FGF12: variants seen among roughly 807,000 people sequenced by gnomAD.
FGF12 encodes fibroblast growth factor 12.
In FGF12, 14 loss-of-function variants were observed where a neutral mutation model predicts 23.6. That is an observed-to-expected ratio of 0.59 (90% confidence interval 0.39 to 0.93). The LOEUF (loss-of-function observed/expected upper bound fraction) is 0.93, where lower values mean the gene tolerates loss of function less well. Among genes scored for constraint, FGF12 ranks in the 40% least tolerant of loss-of-function variants. The pLI is 0.00. For missense variants in FGF12, 175 were observed against 217.8 expected, an observed-to-expected ratio of 0.80 and a Z score of 1.24; for synonymous variants, 62 against 77.3, an observed-to-expected ratio of 0.80 and a Z score of 1.04.
rs118028862 is a variant in FGF12, at chr3:192,337,923, G to A, written c.125-2459C>T. 4.7e-4 allele frequency among the ~76,000 whole-genome samples: 71 copies of A among 152,226 alleles called. 2 individuals are homozygous for A. In the East Asian group the frequency reaches 0.012, roughly 26 times the overall value. ...AATCTAATACCTTATATTTGTGCAAGATTAATTTTCAAAGTGCTGATACAT... is the reference window on the plus strand; with the variant it reads ...AATCTAATACCTTATATTTGTGCAAAATTAATTTTCAAAGTGCTGATACAT... On this transcript the variant is annotated intron_variant, in intron 3 of 5. Transcript: ENST00000445105.
At position 192,389,134 on chromosome 3, in the gene FGF12, C is replaced by T. The variant is rs540420130; in HGVS notation, c.14-28596G>A. Among the ~76,000 whole-genome samples the T allele has an allele frequency of 1.1e-4, 17 of 152,234 alleles. No homozygotes were observed. The South Asian group carries it at 1.5e-3, about 13-fold the overall frequency. ...CAGCACTTTGGGAGGCCGAGGCAGGCGGATCACCAGATGTCAGGAGTTCCA... is the reference window on the plus strand; with the variant it reads ...CAGCACTTTGGGAGGCCGAGGCAGGTGGATCACCAGATGTCAGGAGTTCCA... On this transcript the variant is annotated intron_variant, in intron 2 of 5. Transcript: ENST00000445105.
Position 192,142,189 on chromosome 3 carries a change from A to T in FGF12, c.*1820T>A, listed in dbSNP as rs971982983. 3 of 152,540 alleles carry T rather than the reference A, an allele frequency of 2.0e-5. No individual in the cohort carries two copies. The highest frequency in any genetic ancestry group is 2.0e-4 in the Admixed American group (3 of 15,268). The allele number at this position is 152,540 out of a possible 1,614,324, so 9.4% of individuals were successfully genotyped here. A position where few individuals can be genotyped will look rare whatever the true frequency, so the allele number is the denominator to read the frequency against. On this transcript the variant is annotated 3_prime_UTR_variant, in exon 6 of 6. Transcript: ENST00000445105. The stretch of plus-strand genomic sequence containing the variant: ...TTGTTCTTCCCAACTGCTTAGGGAA[A>T]TTCCTTCATTTCATTTTCTGCTAAC...
intron 2 of FGF12, among the ~76,000 whole-genome samples, chr3:192,404,043 T>G (rs1167074169): frequency 3.3e-5 from 5 of 152,214 alleles, no homozygotes; most frequent in Admixed American, 2.0e-4. Context: ...TATTTTACCA[T>G]GTAGTGTAAT....
In FGF12 at chr3:192,345,451, G is replaced by A. The variant is rs1717909449; in HGVS notation, c.125-9987C>T. On this transcript the variant is annotated intron_variant, in intron 3 of 5. Coordinates refer to ENST00000445105, the MANE Select transcript of FGF12 (RefSeq NM_004113.6). ...GCCTGTAATCCCAGCACTTTGGGAG[G>A]CCGAGGCGGGCGGATCACGAGGTCA... Among the ~76,000 whole-genome samples the A allele has an allele frequency of 4.7e-5, 2 of 42,972 alleles. 1 individual carries two copies. Among genetic ancestry groups the A allele is most frequent in the Non-Finnish European group, 6.9e-5 (2 of 29,062 alleles). 28.2% of individuals were successfully genotyped at this position (42,972 alleles called of 152,430 possible). A position where few individuals can be genotyped will look rare whatever the true frequency, so the allele number is the denominator to read the frequency against.
At chr3:192,668,160 T>C (rs1577110201) in intron 2 of FGF12, among the ~76,000 whole-genome samples, 1 of 151,780 alleles carries the variant, frequency 6.6e-6, no homozygotes, top group East Asian at 1.9e-4. Context: ...AATTCCATCT[T>C]CCACTCTGAA....
chr3:192,416,498 G>A (rs1226978857), intron 2 of FGF12, among the ~76,000 whole-genome samples: 2 of 152,114 alleles, frequency 1.3e-5, no homozygotes, highest in Admixed American at 1.3e-4. Context: ...GAGAAAAAGT[G>A]TGAATGAATA....
chr3:192,356,876 C>A (rs1003013938), intron 3 of FGF12, among the ~76,000 whole-genome samples: 28 of 152,170 alleles, frequency 1.8e-4, no homozygotes, highest in African/African-American at 6.5e-4. Flanking sequence ...GAATTTAAAT[C>A]CTTCTTCGAT....
intron 2 of FGF12, among the ~76,000 whole-genome samples, chr3:192,517,939 A>G (rs971066218): frequency 7.2e-5 from 11 of 152,122 alleles, no homozygotes; most frequent in African/African-American, 2.7e-4. Context: ...TCATTTTTAC[A>G]TGTATCATAA....
chr3:192,627,274 C>T (rs1415041277), intron 2 of FGF12, among the ~76,000 whole-genome samples: 2 of 151,700 alleles, frequency 1.3e-5, no homozygotes, highest in South Asian at 2.1e-4. Flanking sequence ...GTCTCAGGGG[C>T]ATTTCTCCAA....
At chr3:192,345,844 T>C (rs1444569522) in intron 3 of FGF12, among the ~76,000 whole-genome samples, 2 of 152,122 alleles carry the variant, frequency 1.3e-5, no homozygotes, top group East Asian at 1.9e-4. Flanking sequence ...AGGTAAAAAA[T>C]CTTTAGTTTT....
chr3:192,528,611 C>G (rs1396769556), intron 2 of FGF12, among the ~76,000 whole-genome samples: 1 of 152,196 alleles, frequency 6.6e-6, no homozygotes, highest in African/African-American at 2.4e-5. Flanking sequence ...CCCCACATTT[C>G]CCTTCCACAC....
chr3:192,446,113 C>T (rs73066259), intron 2 of FGF12, among the ~76,000 whole-genome samples: 5,523 of 152,274 alleles, frequency 0.036, 349 homozygotes, highest in African/African-American at 0.12. Context: ...GTCTCGAATT[C>T]ATGCCTGTCA....
chr3:192,492,215 T>C (rs538262929), intron 2 of FGF12, among the ~76,000 whole-genome samples: 1 of 152,300 alleles, frequency 6.6e-6, no homozygotes, highest in East Asian at 1.9e-4. Flanking sequence ...GAAATAATTA[T>C]TTTGCACATT....
At chr3:192,727,462 A>ATTTT (rs34864946) in intron 1 of FGF12, 22 bp downstream of exon 1, 220 of 561,818 alleles carry the variant, frequency 3.9e-4, no homozygotes, top group African/African-American at 9.1e-4. Flanking sequence ...GCCCGCTCAG[A>ATTTT]TTTTTTTTTT....
intron 4 of FGF12, among the ~76,000 whole-genome samples, chr3:192,333,846 C>T (rs7635946): frequency 0.016 from 2,457 of 151,944 alleles, 60 homozygotes; most frequent in African/African-American, 0.056. Context: ...CCCCACCATG[C>T]GAAATGTGGT....
chr3:192,177,149 A>C (rs1715907652), intron 4 of FGF12, among the ~76,000 whole-genome samples: 1 of 152,212 alleles, frequency 6.6e-6, no homozygotes, highest in Non-Finnish European at 1.5e-5. Flanking sequence ...TTTGTCATTC[A>C]CTGACAATTT....
intron 4 of FGF12, among the ~76,000 whole-genome samples, chr3:192,299,603 A>G (rs1049612700): frequency 4.6e-5 from 7 of 152,234 alleles, no homozygotes; most frequent in African/African-American, 1.7e-4. Flanking sequence ...TCAAATACAC[A>G]TTTAACTTTG....
chr3:192,723,927 A>C (rs1288587299), intron 2 of FGF12, among the ~76,000 whole-genome samples: 1 of 108,888 alleles, frequency 9.2e-6, no homozygotes, highest in Non-Finnish European at 1.8e-5. Flanking sequence ...TAGGGGAGAA[A>C]GGAGGGAAGA....
At chr3:192,572,343 GC>G (rs762716732) in intron 2 of FGF12, among the ~76,000 whole-genome samples, 4 of 152,176 alleles carry the variant, frequency 2.6e-5, no homozygotes, top group Non-Finnish European at 5.9e-5. Context: ...AACTCTTGTA[GC>G]AAGGGGAAAA....
Sources: allele counts gnomAD v4.1 joint callset (sites outside exome capture counted in the v4.1 genomes callset), GRCh38; gene constraint gnomAD v4.1.1; transcripts MANE v1.5; gene names NCBI Gene and HGNC (gene_info 2026-07-23, HGNC 2026-07-21).